Variants in PYHIN1 observed in about 807,000 individuals in gnomAD.
PYHIN1 encodes the protein pyrin and HIN domain-containing protein 1.
PYHIN1 carries 32 observed loss-of-function variants against 43.7 expected under a neutral mutation model. The ratio of observed to expected loss-of-function variants is 0.73; its 90% confidence interval spans 0.55 to 0.98. The LOEUF (loss-of-function observed/expected upper bound fraction) is 0.98, where lower values mean the gene tolerates loss of function less well. PYHIN1 is among the 50% of genes least tolerant of loss of function. The pLI, the probability that PYHIN1 is intolerant of heterozygous loss-of-function variation, is 0.00. For missense variants in PYHIN1, 588 were observed against 589.5 expected (o/e 1.00, Z 0.03); for synonymous variants, 205 against 203.1 (o/e 1.01, Z -0.08).
At chr1:158,946,669 G>T (rs1192135135) in intron 7 of PYHIN1, among the ~76,000 whole-genome samples, 2 of 152,110 alleles carry the variant, frequency 1.3e-5, no homozygotes, top group African/African-American at 2.4e-5. Context: ...TGACTAGAAA[G>T]ACTTAGTTAA....
At chr1:158,988,433 G>C in the PYHIN1 span, among the ~76,000 whole-genome samples, 4 of 152,164 alleles carry the variant, frequency 2.6e-5, no homozygotes, top group Non-Finnish European at 4.4e-5. Flanking sequence ...GAAAGAAAGA[G>C]AGGAGAGTCA....
Position 158,941,963 on chromosome 1 carries a change from T to C in PYHIN1, c.580-14T>C, listed in dbSNP as rs779519293. On this transcript the variant is annotated splice_polypyrimidine_tract_variant and intron_variant, in intron 4 of 8. Transcript: ENST00000368140. ...AAAAATTTCTTTTTTGTATTCCTTT[T>C]GTATCATGCGCAGAGCCTAAAACCA... The C allele has an allele frequency of 1.3e-6, 2 of 1,564,342 alleles. No homozygotes were observed. The highest frequency in any genetic ancestry group is 1.2e-5 in the South Asian group (1 of 81,542).
chr1:158,949,374 T>A (rs2097592), intron 7 of PYHIN1, among the ~76,000 whole-genome samples: 13,019 of 152,226 alleles, frequency 0.086, 871 homozygotes, highest in Admixed American at 0.22. Context: ...CTGGCTTTTT[T>A]TGTTTTGTTT....
At chr1:158,932,984 G>T (rs969277595) in intron 1 of PYHIN1, among the ~76,000 whole-genome samples, 5 of 151,814 alleles carry the variant, frequency 3.3e-5, no homozygotes, top group Non-Finnish European at 7.4e-5. Flanking sequence ...TTGATTTCAG[G>T]ATTTATATAT....
intron 7 of PYHIN1, among the ~76,000 whole-genome samples, chr1:158,956,931 A>G (rs1649973757): frequency 9.0e-6 from 1 of 111,474 alleles, no homozygotes; most frequent in Non-Finnish European, 1.9e-5. Flanking sequence ...TCAATGTACA[A>G]AAATCACAAG....
At position 158,973,477 on chromosome 1, in the gene PYHIN1, A is replaced by T. The variant is rs77564944; in HGVS notation, c.1360-170A>T. On this transcript the variant is annotated intron_variant, in intron 7 of 8. Coordinates refer to ENST00000368140, the MANE Select transcript of PYHIN1 (RefSeq NM_152501.5). ...TATGCCAGCATCCAGAGAGATTAGC[A>T]GAGGGAAGATTCTATAAAAAGGGAT... 1.1e-3 allele frequency among the ~76,000 whole-genome samples: 171 copies of T among 150,090 alleles called. 4 individuals are homozygous for T. In the East Asian group the frequency reaches 0.027, roughly 24 times the overall value.
chr1:158,953,430 G>T (rs560169202), intron 7 of PYHIN1, among the ~76,000 whole-genome samples: 14,659 of 147,232 alleles, frequency 0.1, 862 homozygotes, highest in Non-Finnish European at 0.11. Context: ...CCTCCTCAAG[G>T]GGGTCCCTGA....
downstream of PYHIN1, among the ~76,000 whole-genome samples, chr1:158,980,971 G>A (rs531956811): frequency 2.6e-4 from 39 of 152,098 alleles, no homozygotes; most frequent in Non-Finnish European, 5.0e-4. Context: ...GTCACCCCTC[G>A]TGGCCCAGCT....
intron 1 of PYHIN1, among the ~76,000 whole-genome samples, chr1:158,935,810 C>T (rs1205215261): frequency 6.6e-6 from 1 of 152,106 alleles, no homozygotes; most frequent in Non-Finnish European, 1.5e-5. Flanking sequence ...GGGATAGGCT[C>T]CAGCCCCAGT....
chr1:158,972,891 A>G (rs1431666523), intron 7 of PYHIN1, among the ~76,000 whole-genome samples: 1 of 152,074 alleles, frequency 6.6e-6, no homozygotes, highest in Non-Finnish European at 1.5e-5. Context: ...CAACCCTGTA[A>G]GTAATTGAGA....
In PYHIN1 at chr1:158,933,297, C is replaced by T. The variant is rs554771415; in HGVS notation, c.-21+1521C>T. 2.0e-5 allele frequency among the ~76,000 whole-genome samples: 3 copies of T among 150,998 alleles called. No individual in the cohort carries two copies. The highest frequency in any genetic ancestry group is 3.9e-4 in the East Asian group (2 of 5,158). ...ATATGAAGATAAATATATTATATAA[C>T]ATTATATTATCATGAAGGACTATAC... is the stretch of plus-strand genomic sequence containing the variant. On this transcript the variant is annotated intron_variant, in intron 1 of 8. Coordinates refer to ENST00000368140, the MANE Select transcript of PYHIN1 (RefSeq NM_152501.5). This position sits in a 1 kb window ranked among gnomAD's most constrained non-coding sequence, Gnocchi z 6.3.
the PYHIN1 span, among the ~76,000 whole-genome samples, chr1:158,984,973 A>C: frequency 6.6e-6 from 1 of 151,946 alleles, no homozygotes; most frequent in African/African-American, 2.4e-5. Context: ...ATAAAAGAGC[A>C]ACCCCTGCTC....
At chr1:158,984,370 A>T in the PYHIN1 span, among the ~76,000 whole-genome samples, 2 of 152,038 alleles carry the variant, frequency 1.3e-5, no homozygotes, top group African/African-American at 4.8e-5. Context: ...AGTTTCAAAG[A>T]TTTCTTGATT....
chr1:158,937,253 C>T lies in PYHIN1; in HGVS notation c.265+78C>T, dbSNP rs546192386. On this transcript the variant is annotated intron_variant, in intron 2 of 8. Coordinates refer to ENST00000368140, the MANE Select transcript of PYHIN1 (RefSeq NM_152501.5). The stretch of plus-strand genomic sequence containing the variant: ...ACCTTGATTAGAACGCCACCTTGGT[C>T]GTAGCTGATACATCCTTTTCCCAAT... The T allele has an allele frequency of 6.3e-5, 90 of 1,432,250 alleles. No individual in the cohort carries two copies. The African/African-American group carries it at 1.1e-3, about 18-fold the overall frequency. 88.7% of individuals were successfully genotyped at this position (1,432,250 alleles called of 1,614,324 possible). A position where few individuals can be genotyped will look rare whatever the true frequency, so the allele number is the denominator to read the frequency against.
intron 4 of PYHIN1, 195 bp downstream of exon 4, chr1:158,939,442 A>T: frequency 6.4e-7 from 1 of 1,552,478 alleles, no homozygotes; most frequent in Non-Finnish European, 8.7e-7. Flanking sequence ...GACTGCAGGA[A>T]GTTTTCTGTC....
chr1:158,990,354 C>G, the PYHIN1 span, among the ~76,000 whole-genome samples: 4 of 151,692 alleles, frequency 2.6e-5, no homozygotes, highest in African/African-American at 7.3e-5. Flanking sequence ...TTTTGGGAGG[C>G]CATAATAATC....
intron 7 of PYHIN1, among the ~76,000 whole-genome samples, chr1:158,970,199 T>C (rs1470007885): frequency 6.6e-6 from 1 of 151,988 alleles, no homozygotes; most frequent in Non-Finnish European, 1.5e-5. Flanking sequence ...TAATCAGCAA[T>C]GATTTAAATT....
At chr1:158,939,628 C>A (rs1648791868) in intron 4 of PYHIN1, 3 of 1,115,324 alleles carry the variant, frequency 2.7e-6, no homozygotes, top group Non-Finnish European at 2.7e-6. Flanking sequence ...CACCATATTT[C>A]TTTCACCTTT....
At chr1:158,962,914 CT>C (rs549504863) in intron 7 of PYHIN1, among the ~76,000 whole-genome samples, 1,599 of 152,228 alleles carry the variant, frequency 0.011, 35 homozygotes, top group African/African-American at 0.037. Context: ...GGTTCTGCCC[CT>C]GATCCCCTTA....
Sources: allele counts gnomAD v4.1 joint callset (sites outside exome capture counted in the v4.1 genomes callset), GRCh38; gene constraint gnomAD v4.1.1; non-coding constraint Gnocchi (gnomAD v3.1); transcripts MANE v1.5; gene names NCBI Gene and HGNC (gene_info 2026-07-23, HGNC 2026-07-21).